LGI1: variants seen among roughly 807,000 people sequenced by gnomAD.
The protein encoded by LGI1 is leucine rich glioma inactivated 1.
Under a neutral mutation model 57.7 loss-of-function variants are expected in LGI1, and 11 were observed. The observed-to-expected ratio is 0.19, with a 90% CI of 0.12 to 0.32. The LOEUF (loss-of-function observed/expected upper bound fraction) is 0.32. Ranked by LOEUF, LGI1 falls within the 10% of genes least tolerant of loss-of-function variation. The pLI is 1.00. For synonymous variants in LGI1, 222 were observed against 241.9 expected (o/e 0.92, Z 0.76); for missense variants, 422 against 661.9 (o/e 0.64, Z 3.98).
chr10:93,779,425 CGAGG>C (rs1261714582), intron 4 of LGI1, among the ~76,000 whole-genome samples: 2 of 71,060 alleles, frequency 2.8e-5, no homozygotes, highest in African/African-American at 5.6e-5. Context: ...AGGGAGGGAG[CGAGG>C]GAGGGAGGGA....
At position 93,787,906 on chromosome 10, in the gene LGI1, CAA is replaced by C. The variant is rs61222250; in HGVS notation, c.432-2175_432-2174del. On this transcript the variant is annotated intron_variant, in intron 4 of 7. Coordinates refer to ENST00000371418, the MANE Select transcript of LGI1 (RefSeq NM_005097.4). Reference sequence around the variant, plus strand: ...TGGACAACAAAGTGAGACCCTGTCTCAAAAAAAAAAAAAAAAAAAGAATTCCC... The same window carrying C: ...TGGACAACAAAGTGAGACCCTGTCTCAAAAAAAAAAAAAAAAAGAATTCCC... Among the ~76,000 whole-genome samples the C allele has an allele frequency of 5.9e-3, 685 of 115,632 alleles. 1 individual carries two copies. Among genetic ancestry groups the C allele is most frequent in the Non-Finnish European group, 5.8e-3 (306 of 52,586 alleles). 75.9% of individuals were successfully genotyped at this position (115,632 alleles called of 152,430 possible).
At chr10:93,788,614 A>G (rs1253402504) in intron 4 of LGI1, 4 of 152,200 alleles carry the variant, frequency 2.6e-5, no homozygotes, top group South Asian at 2.1e-4. Context: ...CTTTGTCACA[A>G]TTGGACCGTC....
At chr10:93,759,634 C>A (rs999464090) in intron 2 of LGI1, among the ~76,000 whole-genome samples, 3 of 152,218 alleles carry the variant, frequency 2.0e-5, no homozygotes, top group Admixed American at 1.3e-4. Flanking sequence ...TATCAGGTCG[C>A]AGACTTGGTT....
intron 2 of LGI1, among the ~76,000 whole-genome samples, chr10:93,775,801 C>G (rs1215562712): frequency 6.6e-6 from 1 of 152,198 alleles, no homozygotes; most frequent in Non-Finnish European, 1.5e-5. Context: ...TGAGAAGTCC[C>G]TGGTCCTTGG....
chr10:93,778,890 C>T (rs2059820982), intron 4 of LGI1: 1 of 152,204 alleles, frequency 6.6e-6, no homozygotes, highest in East Asian at 1.9e-4. Flanking sequence ...ACTCTGCCTC[C>T]ACCAGGCCCC....
chr10:93,758,655 T>C lies in LGI1; in HGVS notation c.216-105T>C. The C allele has an allele frequency of 1.2e-6, 1 of 810,522 alleles. No homozygotes were observed. Among genetic ancestry groups the C allele is most frequent in the Non-Finnish European group, 2.1e-6 (1 of 477,434 alleles). The allele number at this position is 810,522 out of a possible 1,614,324, so 50.2% of individuals were successfully genotyped here. On this transcript the variant is annotated intron_variant, in intron 1 of 7. Coordinates refer to ENST00000371418, the MANE Select transcript of LGI1 (RefSeq NM_005097.4). The surrounding 1 kb of genome is among the most constrained non-coding windows in gnomAD (Gnocchi z 4.7). ...CGTACTTCATAAAATAGTGTCAAAA[T>C]AGTCACTGTTATGCTAAACCGGATT...
At chr10:93,773,698 A>G (rs1029851562) in intron 2 of LGI1, among the ~76,000 whole-genome samples, 1 of 152,194 alleles carries the variant, frequency 6.6e-6, no homozygotes, top group African/African-American at 2.4e-5. Flanking sequence ...TACTGAATTA[A>G]TAAGTGCACA....
intron 4 of LGI1, chr10:93,788,874 G>A (rs1187964848): frequency 6.6e-6 from 1 of 151,616 alleles, no homozygotes; most frequent in Non-Finnish European, 1.5e-5. Flanking sequence ...AGAGGCTAAT[G>A]GTATGGGCTC....
chr10:93,758,119 A>G lies in LGI1; in HGVS notation c.-26A>G, dbSNP rs763835165. Reference sequence around the variant, plus strand: ...CATCTGAATTCCAGAAGCCCTGTTCATGGTTGGGGATATTTTCTCGACTGC... The same window carrying G: ...CATCTGAATTCCAGAAGCCCTGTTCGTGGTTGGGGATATTTTCTCGACTGC... On this transcript the variant is annotated 5_prime_UTR_variant, in exon 1 of 8. The change abolishes an upstream ATG in the 5' untranslated region. Transcript: ENST00000371418. This position sits in a 1 kb window ranked among gnomAD's most constrained non-coding sequence, Gnocchi z 4.7. 3 of 1,603,082 alleles carry G rather than the reference A, an allele frequency of 1.9e-6. No homozygotes were observed. Among genetic ancestry groups the G allele is most frequent in the Non-Finnish European group, 2.6e-6 (3 of 1,170,028 alleles).
At chr10:93,785,035 A>G (rs1348680846) in intron 4 of LGI1, among the ~76,000 whole-genome samples, 1 of 152,114 alleles carries the variant, frequency 6.6e-6, no homozygotes, top group Non-Finnish European at 1.5e-5. Flanking sequence ...GCACTTTCCA[A>G]CTTTTCTTGA....
chr10:93,764,755 A>C (rs934904225), intron 2 of LGI1: 1 of 152,244 alleles, frequency 6.6e-6, no homozygotes, highest in African/African-American at 2.4e-5. Context: ...TGCATGAAAA[A>C]TGCTTTGCAA....
At chr10:93,765,852 C>G (rs1172004524) in intron 2 of LGI1, among the ~76,000 whole-genome samples, 2 of 151,808 alleles carry the variant, frequency 1.3e-5, no homozygotes, top group Admixed American at 6.6e-5. Context: ...CGCCTGTAGT[C>G]CCAGCTACTC....
chr10:93,783,161 A>T (rs1381245791), intron 4 of LGI1: 2 of 4,818 alleles, frequency 4.2e-4, no homozygotes, highest in African/African-American at 4.5e-4. Flanking sequence ...GCGGATCACA[A>T]GGTCAGAGAT....
At chr10:93,793,457 ACT>A in intron 7 of LGI1, 107 bp downstream of exon 7, 3 of 983,426 alleles carry the variant, frequency 3.1e-6, no homozygotes, top group Non-Finnish European at 4.9e-6. Flanking sequence ...TTGAATTCCA[ACT>A]CTACCATTTG....
At chr10:93,785,471 G>A (rs559478804) in intron 4 of LGI1, among the ~76,000 whole-genome samples, 1 of 152,208 alleles carries the variant, frequency 6.6e-6, no homozygotes, top group Admixed American at 6.5e-5. Flanking sequence ...AAATTAACTT[G>A]GCTAAGGACA....
chr10:93,767,642 T>A (rs1005851055), intron 2 of LGI1: 5 of 152,230 alleles, frequency 3.3e-5, no homozygotes, highest in African/African-American at 1.2e-4. Context: ...GTGGATACAT[T>A]AAACGGTCTG....
chr10:93,797,338 T>C lies in LGI1; in HGVS notation c.1209T>C (p.Ser403=). 1.2e-6 allele frequency: 2 copies of C among 1,614,184 alleles called. No homozygotes were observed. Residue 403 remains serine, a synonymous_variant, in exon 8 of 8, where the codon AGT becomes AGC. Transcript: ENST00000371418. This position sits in a 1 kb window ranked among gnomAD's most constrained non-coding sequence, Gnocchi z 6.5. ...TLRTPHLILS[S]SSQRPVIYQW... ...GAACGCCTCATTTAATTCTGTCTAG[T>C]AGTTCCCAGCGTCCTGTAATTTATC...
chr10:93,796,566 A>T (rs1052961177), intron 7 of LGI1, among the ~76,000 whole-genome samples: 2 of 152,210 alleles, frequency 1.3e-5, no homozygotes, highest in Admixed American at 1.3e-4. Context: ...TGTTGGGAAA[A>T]TTAATGAGGT....
intron 2 of LGI1, chr10:93,759,342 A>G (rs2059599630): frequency 1.8e-5 from 3 of 166,312 alleles, no homozygotes; most frequent in Non-Finnish European, 2.6e-5. Flanking sequence ...AATCTCATCT[A>G]ATTTATAACT....
Sources: gnomAD v4.1 joint callset for allele counts (sites outside exome capture counted in the v4.1 genomes callset) on GRCh38, gnomAD v4.1.1 for gene constraint, Gnocchi (gnomAD v3.1) non-coding constraint, MANE v1.5 for transcripts, NCBI Gene and HGNC (gene_info 2026-07-23, HGNC 2026-07-21) for gene names.